GPC5: variants seen among roughly 807,000 people sequenced by gnomAD.
The protein encoded by GPC5 is glypican 5.
A neutral mutation model predicts 53.9 loss-of-function variants in GPC5; 47 were observed. The observed-to-expected ratio is 0.87, with a 90% CI of 0.69 to 1.11. The LOEUF (loss-of-function observed/expected upper bound fraction) is 1.11, where lower values mean the gene tolerates loss of function less well. Among genes scored for constraint, GPC5 ranks in the 50% most tolerant of loss-of-function variants. The pLI, the probability that GPC5 is intolerant of heterozygous loss-of-function variation, is 0.00. For missense variants in GPC5, 748 were observed against 713.1 expected (o/e 1.05, Z -0.56); for synonymous variants, 286 against 263.3 (o/e 1.09, Z -0.84).
At chr13:91,735,980 A>G (rs1278562879) in intron 4 of GPC5, among the ~76,000 whole-genome samples, 5 of 151,472 alleles carry the variant, frequency 3.3e-5, no homozygotes, top group Non-Finnish European at 7.4e-5. Context: ...ACAGCAAAAA[A>G]TCTCATTGAG....
rs35439842 is a variant in GPC5 at position 92,624,021 on chromosome 13, A to AT, written c.1562-242249dup. 5.1e-3 allele frequency among the ~76,000 whole-genome samples: 746 copies of AT among 145,492 alleles called. 2 individuals are homozygous for AT. Among genetic ancestry groups the AT allele is most frequent in the Middle Eastern group, 0.011 (3 of 280 alleles). On this transcript the variant is annotated intron_variant, in intron 7 of 7. Coordinates refer to ENST00000377067, the MANE Select transcript of GPC5 (RefSeq NM_004466.6). ...AGGTGCCTACCACCATGCTCGGCTA[A>AT]TTTTTTTTTTTTCTATTTTTAGTAG...
chr13:91,666,082 T>C (rs1375472490), intron 2 of GPC5, among the ~76,000 whole-genome samples: 2 of 152,226 alleles, frequency 1.3e-5, no homozygotes, highest in Non-Finnish European at 2.9e-5. Context: ...CTTATTGTCT[T>C]CATATTTGGT....
chr13:92,334,101 C>T (rs962708432), intron 7 of GPC5, among the ~76,000 whole-genome samples: 1 of 152,142 alleles, frequency 6.6e-6, no homozygotes, highest in African/African-American at 2.4e-5. Flanking sequence ...TATAGTCAAT[C>T]GCCTTCTGTA....
intron 5 of GPC5, among the ~76,000 whole-genome samples, chr13:91,905,635 A>G (rs1219148506): frequency 6.6e-6 from 1 of 152,112 alleles, no homozygotes; most frequent in Non-Finnish European, 1.5e-5. Context: ...ATATTATCTC[A>G]GGAAGAACTG....
intron 7 of GPC5, among the ~76,000 whole-genome samples, chr13:92,328,244 T>C (rs1489742891): frequency 6.6e-6 from 1 of 152,160 alleles, no homozygotes; most frequent in African/African-American, 2.4e-5. Flanking sequence ...AAATCTTATG[T>C]AGTGATTTTC....
At chr13:91,989,536 A>G (rs1041409323) in intron 6 of GPC5, among the ~76,000 whole-genome samples, 1 of 152,214 alleles carries the variant, frequency 6.6e-6, no homozygotes, top group African/African-American at 2.4e-5. Context: ...ATGTATGGTT[A>G]TTGCTTTGGT....
chr13:91,710,209 AC>A (rs1566628043), intron 3 of GPC5, among the ~76,000 whole-genome samples: 1 of 152,184 alleles, frequency 6.6e-6, no homozygotes, highest in East Asian at 1.9e-4. Context: ...AACTGAAATG[AC>A]CTCAAATGCC....
At chr13:92,729,482 T>C (rs1042719981) in intron 7 of GPC5, among the ~76,000 whole-genome samples, 1 of 151,452 alleles carries the variant, frequency 6.6e-6, no homozygotes, top group Non-Finnish European at 1.5e-5. Context: ...AAATGAAACA[T>C]ATTAAGATCA....
chr13:92,010,591 G>GTTTTT (rs1331115853), intron 6 of GPC5, among the ~76,000 whole-genome samples: 1 of 152,140 alleles, frequency 6.6e-6, no homozygotes, highest in African/African-American at 2.4e-5. Flanking sequence ...GGTTAAATGA[G>GTTTTT]TTTATAAAAG....
At chr13:92,182,613 C>T (rs567332851) in intron 7 of GPC5, among the ~76,000 whole-genome samples, 3 of 152,168 alleles carry the variant, frequency 2.0e-5, no homozygotes, top group South Asian at 2.1e-4. Context: ...AAATTCCGAT[C>T]GCCATAAGTA....
At chr13:92,768,896 T>C (rs573259852) in intron 7 of GPC5, among the ~76,000 whole-genome samples, 2 of 151,910 alleles carry the variant, frequency 1.3e-5, no homozygotes, top group African/African-American at 2.4e-5. Flanking sequence ...CTTAAATCAG[T>C]ATTTCTCCAA....
chr13:92,051,253 G>A (rs1028917865), intron 6 of GPC5, among the ~76,000 whole-genome samples: 1 of 135,930 alleles, frequency 7.4e-6, no homozygotes, highest in South Asian at 2.4e-4. Context: ...CCAGGCTGGA[G>A]TGCAGTGGCA....
intron 7 of GPC5, among the ~76,000 whole-genome samples, chr13:92,782,552 T>C (rs1013050625): frequency 1.3e-5 from 2 of 152,112 alleles, no homozygotes; most frequent in African/African-American, 2.4e-5. Flanking sequence ...GAAAATATCA[T>C]TGTGAGCGGA....
intron 7 of GPC5, among the ~76,000 whole-genome samples, chr13:92,485,080 CA>C (rs1473974592): frequency 5.3e-5 from 8 of 151,946 alleles, no homozygotes; most frequent in Non-Finnish European, 1.0e-4. Context: ...GGGATGTTGG[CA>C]AGTGAAACAA....
chr13:92,694,790 AT>A (rs1225393522), intron 7 of GPC5, among the ~76,000 whole-genome samples: 4 of 152,154 alleles, frequency 2.6e-5, no homozygotes, highest in Non-Finnish European at 5.9e-5. Context: ...GTGTTTTGAA[AT>A]GTGAAAATGA....
chr13:92,806,727 A>G (rs1230638193), intron 7 of GPC5, among the ~76,000 whole-genome samples: 1 of 151,868 alleles, frequency 6.6e-6, no homozygotes, highest in South Asian at 2.1e-4. Context: ...TGCACACACG[A>G]CTCTTAATTA....
At chr13:92,489,966 A>G (rs764435741) in intron 7 of GPC5, among the ~76,000 whole-genome samples, 19 of 151,856 alleles carry the variant, frequency 1.3e-4, no homozygotes, top group Admixed American at 2.6e-4. Flanking sequence ...TCATTATGAC[A>G]TATTTGTCCC....
intron 7 of GPC5, among the ~76,000 whole-genome samples, chr13:92,372,878 G>T (rs185460560): frequency 6.6e-6 from 1 of 152,218 alleles, no homozygotes; most frequent in Admixed American, 6.5e-5. Flanking sequence ...CTATTTTTGT[G>T]CCTGTATTAT....
intron 7 of GPC5, among the ~76,000 whole-genome samples, chr13:92,702,981 GACCT>G (rs1887804304): frequency 6.6e-6 from 1 of 151,814 alleles, no homozygotes. Context: ...TGTTCAGAGA[GACCT>G]ACCTATTTTA....
Sources: gnomAD v4.1 joint callset for allele counts (sites outside exome capture counted in the v4.1 genomes callset) on GRCh38, gnomAD v4.1.1 for gene constraint, MANE v1.5 for transcripts, NCBI Gene and HGNC (gene_info 2026-07-23, HGNC 2026-07-21) for gene names.